ZNF423: variants seen among roughly 807,000 people sequenced by gnomAD.
The protein encoded by ZNF423 is Ebf-associated zinc finger protein.
In ZNF423, 12 loss-of-function variants were observed where a neutral mutation model predicts 95.8. The observed-to-expected ratio is 0.13, with a 90% CI of 0.08 to 0.20. The LOEUF is 0.20. Among genes scored for constraint, ZNF423 ranks in the 10% least tolerant of loss-of-function variants. The pLI, the probability that ZNF423 is intolerant of heterozygous loss-of-function variation, is 1.00. For missense variants in ZNF423, 1,316 were observed against 1,737.1 expected, an observed-to-expected ratio of 0.76 and a Z score of 4.31; for synonymous variants, 749 against 711.9, an observed-to-expected ratio of 1.05 and a Z score of -0.83.
chr16:49,715,310 C>T (rs185377900), intron 3 of ZNF423, among the ~76,000 whole-genome samples: 141 of 152,222 alleles, frequency 9.3e-4, no homozygotes, highest in African/African-American at 3.3e-3. Context: ...GCAAGGAGGG[C>T]CGCGCTGAGG....
chr16:49,713,626 G>A (rs2032612725), intron 3 of ZNF423, among the ~76,000 whole-genome samples: 1 of 152,158 alleles, frequency 6.6e-6, no homozygotes, highest in South Asian at 2.1e-4. Context: ...TTCTGCAAAT[G>A]GGCCCTTTAT....
chr16:49,538,284 C>A (rs1042401246), intron 5 of ZNF423, among the ~76,000 whole-genome samples: 6 of 152,222 alleles, frequency 3.9e-5, no homozygotes, highest in African/African-American at 1.4e-4. Flanking sequence ...GAGATGTGAG[C>A]AGTGCCAGGC....
intron 5 of ZNF423, among the ~76,000 whole-genome samples, chr16:49,545,607 T>C (rs1969411495): frequency 6.6e-6 from 1 of 152,200 alleles, no homozygotes. Context: ...GCTGAAACAA[T>C]TCTCCCAAGC....
At chr16:49,663,845 A>G (rs982268671) in intron 3 of ZNF423, among the ~76,000 whole-genome samples, 8 of 152,132 alleles carry the variant, frequency 5.3e-5, no homozygotes, top group Non-Finnish European at 8.8e-5. Flanking sequence ...GGCCCCACCC[A>G]GGTCTGACAC....
intron 3 of ZNF423, among the ~76,000 whole-genome samples, chr16:49,721,231 T>C (rs1015938956): frequency 6.6e-6 from 1 of 152,160 alleles, no homozygotes; most frequent in Non-Finnish European, 1.5e-5. Context: ...AGATAGCACA[T>C]TAACTGAGGA....
At chr16:49,496,411 G>C (rs1427484396) in intron 7 of ZNF423, among the ~76,000 whole-genome samples, 1 of 152,090 alleles carries the variant, frequency 6.6e-6, no homozygotes, top group Admixed American at 6.5e-5. Context: ...GGGCAGTAAT[G>C]ACTTACCATT....
chr16:49,507,544 C>G (rs192959428), intron 7 of ZNF423, among the ~76,000 whole-genome samples: 46 of 152,318 alleles, frequency 3.0e-4, no homozygotes, highest in African/African-American at 9.9e-4. Flanking sequence ...GTGGCCTCAG[C>G]TGGGAAACTG....
intron 1 of ZNF423, among the ~76,000 whole-genome samples, chr16:49,840,373 G>A (rs1049659570): frequency 1.9e-4 from 29 of 152,018 alleles, no homozygotes; most frequent in Non-Finnish European, 3.2e-4. Context: ...AATACATTTT[G>A]GGAAATGCCA....
intron 5 of ZNF423, among the ~76,000 whole-genome samples, chr16:49,565,815 AAGAG>A (rs1970169230): frequency 2.0e-5 from 3 of 152,138 alleles, no homozygotes; most frequent in Admixed American, 1.3e-4. Context: ...TCAATAGGGA[AAGAG>A]AGAAAGGAAG....
intron 3 of ZNF423, among the ~76,000 whole-genome samples, chr16:49,642,063 A>T (rs569323295): frequency 1.3e-5 from 2 of 152,382 alleles, no homozygotes; most frequent in South Asian, 2.1e-4. Flanking sequence ...AAGAATTAGT[A>T]CTAATTAGTG....
At chr16:49,742,017 C>T (rs950567028) in intron 2 of ZNF423, among the ~76,000 whole-genome samples, 5 of 152,250 alleles carry the variant, frequency 3.3e-5, no homozygotes, top group African/African-American at 1.2e-4. Flanking sequence ...AAATCCTCCA[C>T]ATCTTCAATC....
At chr16:49,556,594 C>A (rs1969834343) in intron 5 of ZNF423, among the ~76,000 whole-genome samples, 1 of 152,182 alleles carries the variant, frequency 6.6e-6, no homozygotes, top group Admixed American at 6.5e-5. Flanking sequence ...GACTCTGCAG[C>A]CTCCCCCTAC....
At chr16:49,812,409 G>A (rs2034767507) in intron 1 of ZNF423, among the ~76,000 whole-genome samples, 1 of 152,198 alleles carries the variant, frequency 6.6e-6, no homozygotes, top group African/African-American at 2.4e-5. Flanking sequence ...GCTGGGATAA[G>A]GGGGCTGGGC....
At chr16:49,814,283 G>A (rs574489444) in intron 1 of ZNF423, among the ~76,000 whole-genome samples, 1 of 152,180 alleles carries the variant, frequency 6.6e-6, no homozygotes, top group Non-Finnish European at 1.5e-5. Flanking sequence ...GGGCTCTGGG[G>A]GGTGGGGGGA....
At chr16:49,575,207 G>A (rs182162898) in intron 5 of ZNF423, among the ~76,000 whole-genome samples, 3 of 152,058 alleles carry the variant, frequency 2.0e-5, no homozygotes, top group African/African-American at 4.8e-5. Flanking sequence ...ATTCATTTGC[G>A]ATCACCAGGG....
At chr16:49,537,086 C>T (rs1364662173) in intron 5 of ZNF423, among the ~76,000 whole-genome samples, 2 of 152,254 alleles carry the variant, frequency 1.3e-5, no homozygotes, top group African/African-American at 4.8e-5. Flanking sequence ...ATGTGAACTT[C>T]TCCAACGTTC....
At position 49,710,734 on chromosome 16, in the gene ZNF423, C is replaced by T. The variant is rs1429896013; in HGVS notation, c.301+20037G>A. ...AAGGAACCCACCTGGGGAAGATTCT[C>T]ATTTAAGCTCCATACCAGTCAAGAG... On this transcript the variant is annotated intron_variant, in intron 3 of 7. Transcript: ENST00000563137. Among the ~76,000 whole-genome samples the T allele has an allele frequency of 2.0e-5, 3 of 152,314 alleles. No individual in the cohort carries two copies. In the South Asian group the frequency reaches 6.2e-4, roughly 32 times the overall value.
At chr16:49,853,301 C>CG (rs146210483) in intron 1 of ZNF423, among the ~76,000 whole-genome samples, 5,455 of 78,258 alleles carry the variant, frequency 0.07, 181 homozygotes, top group Non-Finnish European at 0.096. Context: ...AGGGGCGGGG[C>CG]GGGGGGGGAG....
At chr16:49,696,266 G>T (rs902860597) in intron 3 of ZNF423, among the ~76,000 whole-genome samples, 2 of 152,204 alleles carry the variant, frequency 1.3e-5, no homozygotes, top group African/African-American at 2.4e-5. Flanking sequence ...ATGGTGGGGG[G>T]TGGGGTAGCA....
Sources: gnomAD v4.1 joint callset for allele counts (sites outside exome capture counted in the v4.1 genomes callset) on GRCh38, gnomAD v4.1.1 for gene constraint, MANE v1.5 for transcripts, NCBI Gene and HGNC (gene_info 2026-07-23, HGNC 2026-07-21) for gene names.